The following PDE1C variants were observed in gnomAD, a reference collection of about 807,000 sequenced individuals.
PDE1C encodes phosphodiesterase 1C.
A neutral mutation model predicts 93.1 loss-of-function variants in PDE1C; 62 were observed. That is an observed-to-expected ratio of 0.67 (90% CI 0.54 to 0.82). PDE1C has a LOEUF of 0.82. Among genes scored for constraint, PDE1C ranks in the 40% least tolerant of loss-of-function variants. The pLI is 0.00. For synonymous variants in PDE1C, 325 were observed against 310.1 expected, an observed-to-expected ratio of 1.05 and a Z score of -0.50; for missense variants, 742 against 884.6, an observed-to-expected ratio of 0.84 and a Z score of 2.04.
intron 2 of PDE1C, among the ~76,000 whole-genome samples, chr7:31,889,407 C>T (rs530967449): frequency 1.1e-4 from 16 of 152,230 alleles, no homozygotes; most frequent in Admixed American, 5.9e-4. Flanking sequence ...AGAAAACAGG[C>T]AATGTAAGTT....
intron 2 of PDE1C, among the ~76,000 whole-genome samples, chr7:31,895,580 T>TTCTCTCTCTCTCTCTCTCTCTCTC (rs60958547): frequency 6.9e-6 from 1 of 144,818 alleles, no homozygotes; most frequent in Non-Finnish European, 1.5e-5. Flanking sequence ...TTTCTCTCTT[T>TTCTCTCTCTCTCTCTCTCTCTCTC]TCTCTCTCTC....
At chr7:32,394,960 CA>C (rs765763523) in intron 1 of PDE1C, among the ~76,000 whole-genome samples, 6 of 152,164 alleles carry the variant, frequency 3.9e-5, no homozygotes, top group Non-Finnish European at 8.8e-5. Context: ...AGTTCCTCTC[CA>C]GAAGCAGATC....
intron 2 of PDE1C, among the ~76,000 whole-genome samples, chr7:32,175,168 C>T (rs1802901132): frequency 6.6e-6 from 1 of 152,106 alleles, no homozygotes; most frequent in South Asian, 2.1e-4. Context: ...ACTCTCAACT[C>T]CCCTCTCACT....
At chr7:31,633,295 C>T in the PDE1C span, among the ~76,000 whole-genome samples, 2 of 152,022 alleles carry the variant, frequency 1.3e-5, no homozygotes, top group Non-Finnish European at 2.9e-5. Flanking sequence ...GAGCTATGAC[C>T]GACAAATGTA....
the PDE1C span, chr7:31,655,987 T>G: frequency 1.2e-4 from 115 of 985,288 alleles, no homozygotes; most frequent in Non-Finnish European, 1.4e-4. Context: ...AACCACCTCC[T>G]GTGTTCCTGC....
At chr7:31,956,489 GT>G (rs112415515) in intron 2 of PDE1C, among the ~76,000 whole-genome samples, 2,147 of 142,290 alleles carry the variant, frequency 0.015, 46 homozygotes, top group African/African-American at 0.051. Context: ...TGTTCGTTTT[GT>G]TTTTTTTTTT....
At chr7:31,836,554 C>T (rs551037799) in intron 11 of PDE1C, among the ~76,000 whole-genome samples, 36 of 152,062 alleles carry the variant, frequency 2.4e-4, no homozygotes, top group South Asian at 1.2e-3. Flanking sequence ...AGGATGGTCT[C>T]AATCTCCTGA....
At chr7:31,676,377 C>T in the PDE1C span, among the ~76,000 whole-genome samples, 7 of 151,832 alleles carry the variant, frequency 4.6e-5, no homozygotes, top group Admixed American at 3.9e-4. Flanking sequence ...ATTCTCTGAC[C>T]CCAGTGAAAT....
chr7:31,720,800 T>C, the PDE1C span, among the ~76,000 whole-genome samples: 1 of 152,220 alleles, frequency 6.6e-6, no homozygotes, highest in Non-Finnish European at 1.5e-5. Flanking sequence ...GAAGGAGCAA[T>C]GTACATTTGC....
At chr7:32,336,072 CA>C (rs1052248145) in intron 1 of PDE1C, among the ~76,000 whole-genome samples, 1 of 152,156 alleles carries the variant, frequency 6.6e-6, no homozygotes, top group East Asian at 1.9e-4. Context: ...ATTAATTCAT[CA>C]GGGGGCACAG....
chr7:31,809,051 T>A lies in PDE1C; in HGVS notation c.1871A>T (p.Asn624Ile). ...TDKKDHSNIGNDSKKTDGTKQ... is the reference protein window; with the variant it reads ...TDKKDHSNIGIDSKKTDGTKQ... ...CTTACCATCTGTTTTCTTTGAATCA[T>A]TTCCGATGTTAGAGTGATCCTTCTT... The change falls in exon 16 of 18, where the codon AAT (asparagine) becomes ATT (isoleucine). Residue 624 changes from asparagine to isoleucine, a missense_variant. Transcript: ENST00000396191. 1 of 1,588,954 alleles carries A rather than the reference T, an allele frequency of 6.3e-7. No homozygotes were observed. Among genetic ancestry groups the A allele is most frequent in the Non-Finnish European group, 8.6e-7 (1 of 1,158,356 alleles).
At chr7:31,643,504 A>G in the PDE1C span, 1 of 1,613,986 alleles carries the variant, frequency 6.2e-7, no homozygotes, top group Non-Finnish European at 8.5e-7. Context: ...AATGACCCAG[A>G]TGTCCTCCAG....
At chr7:32,312,089 C>T (rs1783059087) in intron 1 of PDE1C, among the ~76,000 whole-genome samples, 1 of 151,480 alleles carries the variant, frequency 6.6e-6, no homozygotes, top group African/African-American at 2.4e-5. Context: ...ACAAAAATCA[C>T]AAGCATTCTT....
chr7:31,644,242 A>C, the PDE1C span, among the ~76,000 whole-genome samples: 1 of 152,230 alleles, frequency 6.6e-6, no homozygotes, highest in Non-Finnish European at 1.5e-5. Flanking sequence ...CATATGTCTA[A>C]GGTTATAAGC....
chr7:31,935,613 C>T (rs1219262653), intron 2 of PDE1C, among the ~76,000 whole-genome samples: 1 of 152,162 alleles, frequency 6.6e-6, no homozygotes, highest in East Asian at 1.9e-4. Flanking sequence ...AGGCCCAATG[C>T]TAGGCCTGGA....
chr7:31,856,557 C>T (rs1794043783), intron 7 of PDE1C, among the ~76,000 whole-genome samples: 1 of 152,110 alleles, frequency 6.6e-6, no homozygotes, highest in Admixed American at 6.5e-5. Flanking sequence ...CCCCAGAGTA[C>T]ACTCTGCACA....
At chr7:31,707,459 CTTCT>C in the PDE1C span, 372 of 584,810 alleles carry the variant, frequency 6.4e-4, 2 homozygotes, top group African/African-American at 6.2e-3. Context: ...TTGTCTCTCT[CTTCT>C]TTCTGAGTAT....
intron 2 of PDE1C, among the ~76,000 whole-genome samples, chr7:31,969,034 G>GA (rs1810489208): frequency 2.0e-5 from 3 of 152,250 alleles, no homozygotes; most frequent in African/African-American, 4.8e-5. Flanking sequence ...AACCTTAGAA[G>GA]AAAACCTAGG....
At chr7:32,279,708 T>C (rs1811504094) in intron 1 of PDE1C, among the ~76,000 whole-genome samples, 3 of 152,104 alleles carry the variant, frequency 2.0e-5, no homozygotes, top group Non-Finnish European at 4.4e-5. Context: ...AATGCTGATA[T>C]GCCAGAAATA....
Sources: gnomAD v4.1 joint callset for allele counts (sites outside exome capture counted in the v4.1 genomes callset) on GRCh38, gnomAD v4.1.1 for gene constraint, MANE v1.5 for transcripts, NCBI Gene and HGNC (gene_info 2026-07-23, HGNC 2026-07-21) for gene names.